The following PLBD1 variants were observed in gnomAD, a reference collection of about 807,000 sequenced individuals.
The protein encoded by PLBD1 is phospholipase B domain containing 1, also known as lysosomal leucine aminopeptidase.
A neutral mutation model predicts 63.0 loss-of-function variants in PLBD1; 60 were observed. The ratio of observed to expected loss-of-function variants is 0.95; its 90% CI spans 0.77 to 1.18. The LOEUF is 1.18. Among genes scored for constraint, PLBD1 ranks in the 50% most tolerant of loss-of-function variants. PLBD1 has a pLI of 0.00. For synonymous variants in PLBD1, 262 were observed against 248.0 expected (o/e 1.06, Z -0.53); for missense variants, 598 against 677.9 (o/e 0.88, Z 1.31).
intron 1 of PLBD1, among the ~76,000 whole-genome samples, chr12:14,558,469 C>T (rs963050837): frequency 6.6e-6 from 1 of 152,118 alleles, no homozygotes; most frequent in Non-Finnish European, 1.5e-5. Flanking sequence ...CATATATCCC[C>T]AGCTTTTCTC....
intron 6 of PLBD1, among the ~76,000 whole-genome samples, chr12:14,534,546 T>TTC (rs1303781957): frequency 1.7e-3 from 241 of 143,528 alleles, no homozygotes; most frequent in African/African-American, 5.3e-3. Flanking sequence ...TTCTTTTCTT[T>TTC]TTTTTTTTTT....
In PLBD1 at chr12:14,567,615, ACAGCGG is replaced by A; in HGVS notation, c.76_81del (p.Pro26_Leu27del). On this transcript the variant is annotated inframe_deletion, in exon 1 of 11. Coordinates refer to ENST00000240617, the MANE Select transcript of PLBD1 (RefSeq NM_024829.6). The stretch of plus-strand genomic sequence containing the variant: ...TTCGGCGGCTCCGCGGTGACTAACA[ACAGCGG>A]CAGCAGCAGCAGCAGCAGCAGAAGC... 4.8e-6 allele frequency: 7 copies of A among 1,470,442 alleles called. No homozygotes were observed. The highest frequency in any genetic ancestry group is 4.6e-5 in the Admixed American group (2 of 43,180). The allele number at this position is 1,470,442 out of a possible 1,614,324, so 91.1% of individuals were successfully genotyped here.
chr12:14,504,815 TC>T (rs1321231449), intron 10 of PLBD1, among the ~76,000 whole-genome samples: 1 of 152,120 alleles, frequency 6.6e-6, no homozygotes, highest in Non-Finnish European at 1.5e-5. Flanking sequence ...CTTCTTCTTT[TC>T]CCCATATTCA....
chr12:14,544,888 T>C (rs1945605301), intron 2 of PLBD1, among the ~76,000 whole-genome samples: 1 of 152,238 alleles, frequency 6.6e-6, no homozygotes, highest in Admixed American at 6.5e-5. Flanking sequence ...TTAAAGTCTT[T>C]GTTAAACCAT....
intron 2 of PLBD1, among the ~76,000 whole-genome samples, chr12:14,548,425 C>T (rs183837568): frequency 1.6e-5 from 2 of 128,322 alleles, no homozygotes; most frequent in East Asian, 4.8e-4. Flanking sequence ...CCACTGCATT[C>T]CAGCCTGGGT....
At chr12:14,514,868 C>A (rs1426492156) in intron 6 of PLBD1, among the ~76,000 whole-genome samples, 1 of 151,936 alleles carries the variant, frequency 6.6e-6, no homozygotes, top group East Asian at 1.9e-4. Context: ...CCACCACACC[C>A]TAACTAAAAT....
At chr12:14,517,030 C>T (rs781695537) in intron 6 of PLBD1, among the ~76,000 whole-genome samples, 14 of 152,018 alleles carry the variant, frequency 9.2e-5, no homozygotes, top group Non-Finnish European at 1.9e-4. Flanking sequence ...CAGAGTGAGA[C>T]GCCATCTCAA....
chr12:14,523,852 C>T (rs1315940923), intron 6 of PLBD1, among the ~76,000 whole-genome samples: 2 of 152,176 alleles, frequency 1.3e-5, no homozygotes, highest in Admixed American at 1.3e-4. Flanking sequence ...GATATCCACA[C>T]TCTCATGCTT....
chr12:14,527,386 A>C (rs11056011), intron 6 of PLBD1, among the ~76,000 whole-genome samples: 49,319 of 152,026 alleles, frequency 0.32, 8,699 homozygotes, highest in East Asian at 0.57. Flanking sequence ...ATCTGTTACT[A>C]GTACCATCTT....
At chr12:14,506,710 AT>A (rs62676961) in intron 9 of PLBD1, among the ~76,000 whole-genome samples, 11,759 of 146,420 alleles carry the variant, frequency 0.08, 474 homozygotes, top group African/African-American at 0.1. Context: ...TTTACAGATG[AT>A]TTTTTTTTTT....
At chr12:14,535,577 C>T in intron 6 of PLBD1, 82 bp downstream of exon 6, 1 of 1,428,554 alleles carries the variant, frequency 7.0e-7, no homozygotes. Context: ...TTTCTTCTCC[C>T]ATTGCAGTTA....
chr12:14,558,049 CAAAA>C (rs35613344), intron 1 of PLBD1, among the ~76,000 whole-genome samples: 12 of 93,570 alleles, frequency 1.3e-4, no homozygotes, highest in Non-Finnish European at 1.8e-4. Flanking sequence ...ACTACGTAGC[CAAAA>C]AAAAAAAAAA....
chr12:14,549,676 G>A lies in PLBD1; in HGVS notation c.335+3517C>T, dbSNP rs190129261. Among the ~76,000 whole-genome samples, 220 of 150,838 alleles carry A rather than the reference G, an allele frequency of 1.5e-3. 1 individual carries two copies. The highest frequency in any genetic ancestry group is 4.8e-3 in the Admixed American group (73 of 15,060). On this transcript the variant is annotated intron_variant, in intron 2 of 10. Transcript: ENST00000240617. ...TTCCACTCCTCGGTCCTTGTTTTTG[G>A]TTTTTTTTTGAGATGGAGTTTCACT...
intron 1 of PLBD1, among the ~76,000 whole-genome samples, chr12:14,564,339 G>A (rs939546318): frequency 2.0e-5 from 3 of 152,120 alleles, no homozygotes; most frequent in African/African-American, 4.8e-5. Flanking sequence ...ACCAGATAAA[G>A]GTATTAACTG....
chr12:14,556,618 C>A (rs1182867548), intron 1 of PLBD1, among the ~76,000 whole-genome samples: 4 of 151,488 alleles, frequency 2.6e-5, no homozygotes, highest in Non-Finnish European at 4.4e-5. Context: ...ATCCGCCTGC[C>A]TCGGCCTCCC....
intron 4 of PLBD1, among the ~76,000 whole-genome samples, chr12:14,538,345 C>CA (rs56922344): frequency 0.98 from 149,542 of 152,168 alleles, 73,531 homozygotes; most frequent in Middle Eastern, 1. Flanking sequence ...AGGTGCCCGC[C>CA]CCATGTCCAG....
chr12:14,551,465 CAAG>C (rs1053663625), intron 2 of PLBD1, among the ~76,000 whole-genome samples: 1 of 152,104 alleles, frequency 6.6e-6, no homozygotes, highest in African/African-American at 2.4e-5. Context: ...TAAAGTTACT[CAAG>C]AATAGGTCAA....
At chr12:14,516,328 C>CAAACAA (rs1315564777) in intron 6 of PLBD1, among the ~76,000 whole-genome samples, 3 of 152,054 alleles carry the variant, frequency 2.0e-5, no homozygotes, top group Admixed American at 6.6e-5. Context: ...CACTCCATCT[C>CAAACAA]AAACAAAAAC....
rs553015985 is a variant in PLBD1 at position 14,506,523 on chromosome 12, C to T, written c.1373-255G>A. Among the ~76,000 whole-genome samples, 168 of 152,304 alleles carry T rather than the reference C, an allele frequency of 1.1e-3. 1 individual carries two copies. The highest frequency in any genetic ancestry group is 2.5e-3 in the South Asian group (12 of 4,826). ...TGGATGGGAAAGAGAACCAGATAAA[C>T]GTCCATCAGCTGTTTCCAACAAAAT... is the stretch of plus-strand genomic sequence containing the variant. On this transcript the variant is annotated intron_variant, in intron 9 of 10. Transcript: ENST00000240617.
Sources: gnomAD v4.1 joint callset for allele counts (sites outside exome capture counted in the v4.1 genomes callset) on GRCh38, gnomAD v4.1.1 for gene constraint, MANE v1.5 for transcripts, NCBI Gene and HGNC (gene_info 2026-07-23, HGNC 2026-07-21) for gene names.